The following CACNA2D2 variants were observed in gnomAD, a reference collection of about 807,000 sequenced individuals.
The protein encoded by CACNA2D2 is voltage-dependent calcium channel subunit alpha-2/delta-2.
A neutral mutation model predicts 166.4 loss-of-function variants in CACNA2D2; 48 were observed. That is an observed-to-expected ratio of 0.29 (90% CI 0.23 to 0.37). The LOEUF (loss-of-function observed/expected upper bound fraction) is 0.37, where lower values mean the gene tolerates loss of function less well. CACNA2D2 is among the 10% of genes least tolerant of loss of function. CACNA2D2 has a pLI of 1.00. For synonymous variants in CACNA2D2, 561 were observed against 573.7 expected (o/e 0.98, Z 0.32); for missense variants, 1,122 against 1,433.0 (o/e 0.78, Z 3.50).
chr3:50,387,651 G>T (rs1705680889), intron 4 of CACNA2D2, 39 bp from the exon 5 acceptor site: 5 of 1,559,358 alleles, frequency 3.2e-6, no homozygotes, highest in Non-Finnish European at 4.4e-6. Flanking sequence ...AGCTGCTCAG[G>T]GTCCCGAGAC....
intron 2 of CACNA2D2, among the ~76,000 whole-genome samples, chr3:50,442,190 C>T (rs1440190780): frequency 6.6e-6 from 1 of 152,190 alleles, no homozygotes; most frequent in Non-Finnish European, 1.5e-5. Flanking sequence ...CAAATGAGGT[C>T]TCCCTACTAC....
At chr3:50,448,710 G>A (rs1166980530) in intron 2 of CACNA2D2, among the ~76,000 whole-genome samples, 1 of 152,096 alleles carries the variant, frequency 6.6e-6, no homozygotes, top group East Asian at 1.9e-4. Flanking sequence ...CTGTGTGTGT[G>A]CACAGGCCCA....
intron 2 of CACNA2D2, among the ~76,000 whole-genome samples, chr3:50,449,191 C>T (rs189158933): frequency 2.0e-5 from 3 of 152,348 alleles, no homozygotes. Context: ...AAACCCTCGG[C>T]TGCCTCATTG....
intron 2 of CACNA2D2, among the ~76,000 whole-genome samples, chr3:50,447,440 A>C (rs1350397739): frequency 6.6e-6 from 1 of 152,154 alleles, no homozygotes. Context: ...CTGAGCAAGG[A>C]GGCGGTGAGG....
Position 50,378,074 on chromosome 3 carries a change from C to T in CACNA2D2, c.1413G>A (p.Arg471=), listed in dbSNP as rs1464521256. ...CCTCCTTGCCTGCCAGCACCATGGG[C>T]CTGCCCAACACATCTAGATATTCCT... ...NTQEYLDVLG[R]PMVLAGKEAK... Residue 471 remains arginine, a synonymous_variant, in exon 15 of 38, where the codon AGG becomes AGA. Coordinates refer to ENST00000424201, the MANE Select transcript of CACNA2D2 (RefSeq NM_006030.4). 5 of 1,613,634 alleles carry T rather than the reference C, an allele frequency of 3.1e-6. No homozygotes were observed. The highest frequency in any genetic ancestry group is 4.2e-6 in the Non-Finnish European group (5 of 1,180,018).
chr3:50,399,029 C>T (rs1476629186), intron 3 of CACNA2D2, among the ~76,000 whole-genome samples: 1 of 152,212 alleles, frequency 6.6e-6, no homozygotes, highest in African/African-American at 2.4e-5. Context: ...GACCTGGGGC[C>T]AGGATGGGCA....
At chr3:50,399,312 G>A (rs761518727) in intron 3 of CACNA2D2, among the ~76,000 whole-genome samples, 4 of 152,248 alleles carry the variant, frequency 2.6e-5, no homozygotes, top group Non-Finnish European at 4.4e-5. Context: ...AGCCCAGAGG[G>A]AAAGGCTGGA....
chr3:50,396,763 T>C (rs1355656936), intron 3 of CACNA2D2, among the ~76,000 whole-genome samples: 1 of 152,202 alleles, frequency 6.6e-6, no homozygotes, highest in African/African-American at 2.4e-5. Flanking sequence ...GTGCCCCTCC[T>C]TCCTTACCTG....
chr3:50,412,444 TACC>T (rs1383535869), intron 3 of CACNA2D2, among the ~76,000 whole-genome samples: 1 of 152,232 alleles, frequency 6.6e-6, no homozygotes, highest in Non-Finnish European at 1.5e-5. Context: ...CCCCATTTTC[TACC>T]ACATTTCACC....
At chr3:50,498,484 C>G (rs36059704) in intron 1 of CACNA2D2, among the ~76,000 whole-genome samples, 17,666 of 152,208 alleles carry the variant, frequency 0.12, 1,153 homozygotes, top group Non-Finnish European at 0.14. Context: ...ATCTCATCTC[C>G]AGATGAAGCC....
intron 3 of CACNA2D2, among the ~76,000 whole-genome samples, chr3:50,416,611 G>C (rs1241698724): frequency 6.6e-6 from 1 of 152,242 alleles, no homozygotes; most frequent in Non-Finnish European, 1.5e-5. Flanking sequence ...GGGCTGTGCA[G>C]AGGAATGTGG....
chr3:50,489,113 C>T (rs1178486599), intron 1 of CACNA2D2, among the ~76,000 whole-genome samples: 1 of 152,210 alleles, frequency 6.6e-6, no homozygotes, highest in Non-Finnish European at 1.5e-5. Context: ...ATGTTCCATC[C>T]TTACAACTAT....
chr3:50,394,558 C>G (rs1490013783), intron 3 of CACNA2D2, among the ~76,000 whole-genome samples: 1 of 152,246 alleles, frequency 6.6e-6, no homozygotes, highest in Non-Finnish European at 1.5e-5. Flanking sequence ...TTGCCCTGCC[C>G]TTCTGACAGC....
intron 2 of CACNA2D2, among the ~76,000 whole-genome samples, chr3:50,475,271 T>C (rs1415419903): frequency 6.6e-6 from 1 of 152,078 alleles, no homozygotes; most frequent in Non-Finnish European, 1.5e-5. Context: ...ACCCTGGACC[T>C]GGACTCCTGA....
At chr3:50,477,338 G>A (rs1358947742) in intron 1 of CACNA2D2, among the ~76,000 whole-genome samples, 1 of 152,246 alleles carries the variant, frequency 6.6e-6, no homozygotes, top group Non-Finnish European at 1.5e-5. Context: ...GAATAGGTAA[G>A]TCAAGCGTGT....
chr3:50,439,455 T>G (rs1708489882), intron 2 of CACNA2D2, among the ~76,000 whole-genome samples: 1 of 152,206 alleles, frequency 6.6e-6, no homozygotes, highest in African/African-American at 2.4e-5. Context: ...CTGCCAGCTG[T>G]CTCCTCAAAG....
intron 1 of CACNA2D2, among the ~76,000 whole-genome samples, chr3:50,490,483 C>T (rs55840318): frequency 0.11 from 16,508 of 152,020 alleles, 2,925 homozygotes; most frequent in African/African-American, 0.37. Flanking sequence ...GGTCTCTGGA[C>T]ACCCCCTTTA....
chr3:50,410,594 CCTG>C (rs1197600269), intron 3 of CACNA2D2, among the ~76,000 whole-genome samples: 7 of 152,336 alleles, frequency 4.6e-5, no homozygotes, highest in Admixed American at 1.3e-4. Flanking sequence ...CTGGCCCAGG[CCTG>C]CCAGCCCACT....
Position 50,367,594 on chromosome 3 carries a change from A to T in CACNA2D2, c.2297+48T>A, listed in dbSNP as rs587623899. The stretch of plus-strand genomic sequence containing the variant: ...GGAGGCCTCTGGGCAGAACAGATGC[A>T]GGTTCCCTGGCAGGGGCAGGGTTTG... On this transcript the variant is annotated intron_variant, in intron 26 of 37. Coordinates refer to ENST00000424201, the MANE Select transcript of CACNA2D2 (RefSeq NM_006030.4). The surrounding 1 kb of genome is among the most constrained non-coding windows in gnomAD (Gnocchi z 6.5). The T allele has an allele frequency of 6.2e-7, 1 of 1,605,410 alleles. No individual in the cohort carries two copies. Among genetic ancestry groups the T allele is most frequent in the South Asian group, 1.1e-5 (1 of 90,850 alleles).
Sources: allele counts gnomAD v4.1 joint callset (sites outside exome capture counted in the v4.1 genomes callset), GRCh38; gene constraint gnomAD v4.1.1; non-coding constraint Gnocchi (gnomAD v3.1); transcripts MANE v1.5; gene names NCBI Gene and HGNC (gene_info 2026-07-23, HGNC 2026-07-21).